The following GET1 variants were observed in gnomAD, a reference collection of about 807,000 sequenced individuals.
GET1 encodes congenital heart disease 5 protein.
A neutral mutation model predicts 22.6 loss-of-function variants in GET1; 20 were observed. The observed-to-expected ratio is 0.89, with a 90% CI of 0.62 to 1.29. The LOEUF (loss-of-function observed/expected upper bound fraction) is 1.29, where lower values mean the gene tolerates loss of function less well. Ranked by LOEUF, GET1 falls within the 50% of genes most tolerant of loss-of-function variation. The pLI is 0.00. For missense variants in GET1, 209 were observed against 219.9 expected (o/e 0.95, Z 0.31); for synonymous variants, 92 against 83.8 (o/e 1.10, Z -0.53).
intron 4 of GET1, among the ~76,000 whole-genome samples, chr21:39,396,183 G>A (rs1018463474): frequency 6.6e-6 from 1 of 151,958 alleles, no homozygotes; most frequent in Non-Finnish European, 1.5e-5. Context: ...ATCATCTGAG[G>A]TCAGGAGTTT....
intron 1 of GET1, among the ~76,000 whole-genome samples, chr21:39,383,181 C>G (rs1467872204): frequency 1.3e-5 from 2 of 151,956 alleles, no homozygotes; most frequent in Non-Finnish European, 2.9e-5. Context: ...GTCTCGATCT[C>G]CTGACCTTGT....
intron 1 of GET1, among the ~76,000 whole-genome samples, chr21:39,384,247 G>A (rs1051070006): frequency 3.8e-4 from 58 of 150,974 alleles, no homozygotes; most frequent in African/African-American, 1.4e-3. Context: ...TTTTGTTGTT[G>A]TTATTATTAT....
intron 4 of GET1, among the ~76,000 whole-genome samples, chr21:39,395,902 G>A (rs972797715): frequency 6.6e-6 from 1 of 152,222 alleles, no homozygotes; most frequent in Non-Finnish European, 1.5e-5. Context: ...GGCAAGAAAG[G>A]CATAGGTAGA....
chr21:39,393,464 C>G (rs1418374087), intron 4 of GET1, among the ~76,000 whole-genome samples, 184 bp downstream of exon 4: 1 of 152,130 alleles, frequency 6.6e-6, no homozygotes, highest in Admixed American at 6.6e-5. Context: ...CTTCACTTGT[C>G]CAGTGTCACC....
At chr21:39,386,494 G>T (rs1330599560) in intron 1 of GET1, 1 of 152,406 alleles carries the variant, frequency 6.6e-6, no homozygotes, top group Admixed American at 6.5e-5. Context: ...AGAGCTGCCC[G>T]CTTCTCCGCC....
In GET1 at chr21:39,393,167, C is replaced by A. The variant is rs1432321054; in HGVS notation, c.338C>A (p.Ala113Asp). 6.2e-7 allele frequency: 1 copy of A among 1,613,882 alleles called. No homozygotes were observed. The highest frequency in any genetic ancestry group is 1.3e-5 in the African/African-American group (1 of 75,036). ...TGCTCACCAGAGGTGTCTTTACAGGCTGCCCTGATGATCTCACTCATTTGG... is the reference window on the plus strand; with the variant it reads ...TGCTCACCAGAGGTGTCTTTACAGGATGCCCTGATGATCTCACTCATTTGG... ...VISVAFYVLQ[A>D]ALMISLIWKY... Residue 113 changes from alanine to aspartate, a missense_variant and splice_region_variant, in exon 4 of 5, where the codon GCT (alanine) becomes GAT (aspartate). Physicochemically the swap from Ala to Asp is moderately radical, Grantham distance 126. Coordinates refer to ENST00000649170, the MANE Select transcript of GET1 (RefSeq NM_004627.6).
At chr21:39,423,353 G>A in intron 1 of GET1, 1 of 1,612,670 alleles carries the variant, frequency 6.2e-7, no homozygotes, top group Non-Finnish European at 8.5e-7. Flanking sequence ...TCATTTTTTA[G>A]TCCTTTAATT....
At position 39,387,773 on chromosome 21, in the gene GET1, AC is replaced by A. The variant is rs943977243; in HGVS notation, c.103-2924del. The stretch of plus-strand genomic sequence containing the variant: ...GGTCAGAAACCACGCGCATGCGCAG[AC>A]ACCCTCAGGCGACTGGCGGGTCGCG... On this transcript the variant is annotated intron_variant, in intron 1 of 4. Transcript: ENST00000649170. 9 of 984,910 alleles carry A rather than the reference AC, an allele frequency of 9.1e-6. No homozygotes were observed. In the African/African-American group the frequency reaches 1.6e-4, roughly 17 times the overall value. 61.0% of individuals were successfully genotyped at this position (984,910 alleles called of 1,614,324 possible). A position where few individuals can be genotyped will look rare whatever the true frequency, so the allele number is the denominator to read the frequency against.
At chr21:39,412,665 T>C (rs144654088) in intron 1 of GET1, among the ~76,000 whole-genome samples, 6 of 152,204 alleles carry the variant, frequency 3.9e-5, no homozygotes, top group African/African-American at 1.4e-4. Context: ...TTGTGCCCCT[T>C]AGGGTCAAAT....
intron 3 of GET1, 78 bp downstream of exon 3, chr21:39,391,914 C>A: frequency 1.4e-6 from 2 of 1,452,656 alleles, no homozygotes; most frequent in Non-Finnish European, 9.7e-7. Flanking sequence ...AGATCCAGGG[C>A]TGGGAGTTCG....
intron 1 of GET1, among the ~76,000 whole-genome samples, chr21:39,415,273 C>T (rs1375802225): frequency 6.6e-6 from 1 of 152,068 alleles, no homozygotes; most frequent in African/African-American, 2.4e-5. Flanking sequence ...GTGTTGAGGC[C>T]ACCTTCTTGA....
chr21:39,422,210 G>A (rs1238123109), intron 1 of GET1: 2 of 152,166 alleles, frequency 1.3e-5, no homozygotes, highest in Admixed American at 6.5e-5. Flanking sequence ...GAAAATACTC[G>A]TGTTTCAGCA....
intron 2 of GET1, chr21:39,391,291 G>A (rs2038278936): frequency 4.5e-6 from 1 of 222,648 alleles, no homozygotes; most frequent in Admixed American, 5.3e-5. Context: ...GTGATGAAGA[G>A]CGCTTTCTCA....
chr21:39,405,786 T>G, intron 4 of GET1: 1 of 956,158 alleles, frequency 1.0e-6, no homozygotes, highest in Non-Finnish European at 1.5e-6. Flanking sequence ...AACACACACA[T>G]ACATACACTC....
chr21:39,423,435 A>G, intron 1 of GET1: 1 of 1,594,494 alleles, frequency 6.3e-7, no homozygotes, highest in Non-Finnish European at 8.5e-7. Flanking sequence ...GGATTTGAGA[A>G]TTAAAGAGTG....
At chr21:39,410,209 T>C, downstream of GET1, 1 of 1,275,164 alleles carries the variant, frequency 7.8e-7, no homozygotes, top group Non-Finnish European at 1.1e-6. Flanking sequence ...GACTGTAGCC[T>C]ATTTTTGTTA....
intron 4 of GET1, among the ~76,000 whole-genome samples, chr21:39,395,219 T>G (rs147162598): frequency 1.3e-5 from 2 of 152,156 alleles, no homozygotes; most frequent in Non-Finnish European, 2.9e-5. Context: ...CATTTAGATA[T>G]CTCATTTGCA....
At chr21:39,400,040 A>G (rs906786767), downstream of GET1, among the ~76,000 whole-genome samples, 2 of 151,654 alleles carry the variant, frequency 1.3e-5, no homozygotes, top group Middle Eastern at 3.4e-3. Flanking sequence ...ATTTTTATTC[A>G]TTTTATGTGC....
intron 1 of GET1, among the ~76,000 whole-genome samples, chr21:39,383,130 A>G (rs1034894402): frequency 8.0e-5 from 12 of 150,442 alleles, no homozygotes; most frequent in African/African-American, 2.9e-4. Context: ...ATTTTTTTGT[A>G]TTTTTAGTAG....
Sources: allele counts gnomAD v4.1 joint callset (sites outside exome capture counted in the v4.1 genomes callset), GRCh38; gene constraint gnomAD v4.1.1; transcripts MANE v1.5; gene names NCBI Gene and HGNC (gene_info 2026-07-23, HGNC 2026-07-21).